Variants in INTS8 observed in about 807,000 individuals in gnomAD.
The protein encoded by INTS8 is integrator complex subunit 8.
Under a neutral mutation model 138.9 loss-of-function variants are expected in INTS8, and 47 were observed. The observed-to-expected ratio is 0.34, with a 90% CI of 0.27 to 0.43. The LOEUF is 0.43. INTS8 is among the 20% of genes least tolerant of loss of function. The pLI, the probability that INTS8 is intolerant of heterozygous loss-of-function variation, is 1.00. For synonymous variants in INTS8, 392 were observed against 400.9 expected (o/e 0.98, Z 0.27); for missense variants, 996 against 1,173.0 (o/e 0.85, Z 2.20).
At chr8:94,844,179 C>T (rs530713753) in intron 10 of INTS8, among the ~76,000 whole-genome samples, 7 of 152,162 alleles carry the variant, frequency 4.6e-5, no homozygotes, top group South Asian at 2.1e-4. Flanking sequence ...GCTAGGACTA[C>T]GGGCGTGCGC....
At chr8:94,862,042 C>G (rs1376666235) in intron 16 of INTS8, among the ~76,000 whole-genome samples, 1 of 151,526 alleles carries the variant, frequency 6.6e-6, no homozygotes, top group Non-Finnish European at 1.5e-5. Context: ...CCAGTTTCAA[C>G]CCATTCTTGT....
At chr8:94,840,799 C>T (rs1360884746) in intron 8 of INTS8, among the ~76,000 whole-genome samples, 2 of 152,058 alleles carry the variant, frequency 1.3e-5, no homozygotes, top group African/African-American at 2.4e-5. Flanking sequence ...CCTCGTGATC[C>T]ACCTACCTTG....
At chr8:94,838,761 A>G in intron 8 of INTS8, 143 bp downstream of exon 8, 4 of 602,438 alleles carry the variant, frequency 6.6e-6, no homozygotes, top group Non-Finnish European at 1.2e-5. Flanking sequence ...AATGGTAATA[A>G]TTATCCCATT....
chr8:94,825,915 T>C (rs1814482466), intron 2 of INTS8, among the ~76,000 whole-genome samples: 1 of 152,208 alleles, frequency 6.6e-6, no homozygotes, highest in Non-Finnish European at 1.5e-5. Flanking sequence ...ATACTGTTTT[T>C]ATTCCTGGTT....
rs981365920 is a variant in INTS8 at position 94,823,306 on chromosome 8, G to A, written c.-126G>A. On this transcript the variant is annotated 5_prime_UTR_variant, in exon 1 of 27. Transcript: ENST00000523731. ...CGCGCCGCCATTTTGGATTGTGTGA[G>A]TTTCCGGGACGTTCGGAGGGTGGCC... 2 of 1,524,016 alleles carry A rather than the reference G, an allele frequency of 1.3e-6. No homozygotes were observed. The highest frequency in any genetic ancestry group is 2.5e-5 in the East Asian group (1 of 40,706). The allele number at this position is 1,524,016 out of a possible 1,614,324, so 94.4% of individuals were successfully genotyped here.
At chr8:94,846,431 C>T (rs150198748) in intron 10 of INTS8, among the ~76,000 whole-genome samples, 5,109 of 152,134 alleles carry the variant, frequency 0.034, 90 homozygotes, top group Non-Finnish European at 0.04. Flanking sequence ...TGTGCCACCA[C>T]GCCTGGCTAA....
In INTS8 at chr8:94,845,722, A is replaced by G. The variant is rs376195776; in HGVS notation, c.1260+3234A>G. Among the ~76,000 whole-genome samples the G allele has an allele frequency of 9.2e-5, 14 of 152,190 alleles. No homozygotes were observed. The East Asian group carries it at 1.7e-3, about 19-fold the overall frequency. On this transcript the variant is annotated intron_variant, in intron 10 of 26. Transcript: ENST00000523731. ...ATGATCTGCCCGCCTCGGCCTCCCA[A>G]AGTGCTGGGATTACAGGTGTGAGCT...
Position 94,823,478 on chromosome 8 carries a change from C to T in INTS8, c.47C>T (p.Pro16Leu). ...ADREAATSSR[P>L]CTPPQTCWFE... ...CGGGAGGCGGCCACCTCCAGCCGGCCCTGCACCCCGCCGCAGACCTGCTGG... is the reference window on the plus strand; with the variant it reads ...CGGGAGGCGGCCACCTCCAGCCGGCTCTGCACCCCGCCGCAGACCTGCTGG... Residue 16 changes from proline (P) to leucine (L), a missense_variant, in exon 1 of 27, where the codon CCC (proline) becomes CTC (leucine). By Grantham distance (98) the Pro-to-Leu change is moderately conservative (BLOSUM62 -3). Coordinates refer to ENST00000523731, the MANE Select transcript of INTS8 (RefSeq NM_017864.4). 2 of 1,551,116 alleles carry T rather than the reference C, an allele frequency of 1.3e-6. No homozygotes were observed. The highest frequency in any genetic ancestry group is 1.7e-6 in the Non-Finnish European group (2 of 1,147,770).
chr8:94,828,227 G>A (rs1814583716), intron 4 of INTS8, among the ~76,000 whole-genome samples: 1 of 152,008 alleles, frequency 6.6e-6, no homozygotes, highest in African/African-American at 2.4e-5. Context: ...TTTTAGTAGA[G>A]ACTGGGTTTC....
rs554743015 is a variant in INTS8 at position 94,881,317 on chromosome 8, G to A, written c.*1083G>A. The A allele has an allele frequency of 1.8e-4, 69 of 373,818 alleles. No homozygotes were observed. The highest frequency in any genetic ancestry group is 3.1e-4 in the Non-Finnish European group (65 of 210,732). 23.2% of individuals were successfully genotyped at this position (373,818 alleles called of 1,614,324 possible). A position where few individuals can be genotyped will look rare whatever the true frequency, so the allele number is the denominator to read the frequency against. ...AGTGACAAAATTCCTAGTTTATCAAGATAAACACAGTAACACTGGATTAAA... is the reference window on the plus strand; with the variant it reads ...AGTGACAAAATTCCTAGTTTATCAAAATAAACACAGTAACACTGGATTAAA... On this transcript the variant is annotated 3_prime_UTR_variant, in exon 27 of 27. Transcript: ENST00000523731.
At chr8:94,840,301 C>G (rs1815085563) in intron 8 of INTS8, among the ~76,000 whole-genome samples, 1 of 152,082 alleles carries the variant, frequency 6.6e-6, no homozygotes, top group South Asian at 2.1e-4. Context: ...AGTGGTTGCT[C>G]CATATTTTTG....
At chr8:94,850,972 C>T (rs1815522104) in intron 12 of INTS8, among the ~76,000 whole-genome samples, 2 of 152,102 alleles carry the variant, frequency 1.3e-5, no homozygotes, top group Admixed American at 1.3e-4. Context: ...CTTCTTTGAC[C>T]TTCACTAGAT....
Position 94,842,414 on chromosome 8 carries a change from G to A in INTS8, c.1186G>A (p.Gly396Ser), listed in dbSNP as rs1219881061. 6.2e-7 allele frequency: 1 copy of A among 1,603,154 alleles called. No homozygotes were observed. The highest frequency in any genetic ancestry group is 1.1e-5 in the South Asian group (1 of 90,748). ...TAATACAGTCCGTGATATACTGGAAGGCAGAACAATTAGTGTTCAATTTAA... is the reference window on the plus strand; with the variant it reads ...TAATACAGTCCGTGATATACTGGAAAGCAGAACAATTAGTGTTCAATTTAA... ...ACNTVRDILE[G>S]RTISVQFNQL... Residue 396 changes from glycine to serine, a missense_variant, in exon 10 of 27, where the codon GGC (glycine) becomes AGC (serine). Physicochemically the swap from Gly to Ser is moderately conservative, Grantham distance 56 (BLOSUM62 0). Transcript: ENST00000523731.
At chr8:94,827,574 C>G in intron 3 of INTS8, 148 bp from the exon 4 acceptor site, 4 of 1,002,572 alleles carry the variant, frequency 4.0e-6, no homozygotes, top group Non-Finnish European at 6.0e-6. Flanking sequence ...GAAAAGCAAT[C>G]TGATAAAAAT....
At position 94,856,926 on chromosome 8, in the gene INTS8, G is replaced by T. The variant is rs768758972; in HGVS notation, c.1902G>T (p.Pro634=). The change falls in exon 15 of 27, where the codon CCG becomes CCT. Residue 634 remains proline, a synonymous_variant. Coordinates refer to ENST00000523731, the MANE Select transcript of INTS8 (RefSeq NM_017864.4). ...EAGTGQAGER[P]PSDLISRVRG... ...GGACAGGGCAGGCAGGAGAGAGACC[G>T]CCATCCGACCTTATAAGTAGAGTAC... 1 of 1,614,074 alleles carries T rather than the reference G, an allele frequency of 6.2e-7. No homozygotes were observed. Among genetic ancestry groups the T allele is most frequent in the African/African-American group, 1.3e-5 (1 of 75,004 alleles).
intron 7 of INTS8, among the ~76,000 whole-genome samples, chr8:94,837,644 C>A (rs1293031359): frequency 1.3e-5 from 2 of 151,812 alleles, no homozygotes; most frequent in African/African-American, 4.8e-5. Context: ...TCCTTTAAAT[C>A]TCTGCTGGTA....
At chr8:94,865,314 T>G (rs2466432) in intron 16 of INTS8, among the ~76,000 whole-genome samples, 192 bp from the exon 17 acceptor site, 3,476 of 152,324 alleles carry the variant, frequency 0.023, 57 homozygotes, top group Non-Finnish European at 0.036. Flanking sequence ...AGGATCTTTC[T>G]CAGATTCAGA....
chr8:94,829,428 C>T (rs1814630881), intron 5 of INTS8, among the ~76,000 whole-genome samples: 2 of 151,936 alleles, frequency 1.3e-5, no homozygotes, highest in Admixed American at 1.3e-4. Flanking sequence ...GTTTGCGCTC[C>T]TGTGTGAATC....
At chr8:94,840,303 A>G (rs991345965) in intron 8 of INTS8, among the ~76,000 whole-genome samples, 43 of 152,264 alleles carry the variant, frequency 2.8e-4, no homozygotes, top group African/African-American at 9.9e-4. Flanking sequence ...TGGTTGCTCC[A>G]TATTTTTGAA....
Sources: gnomAD v4.1 joint callset for allele counts (sites outside exome capture counted in the v4.1 genomes callset) on GRCh38, gnomAD v4.1.1 for gene constraint, MANE v1.5 for transcripts, NCBI Gene and HGNC (gene_info 2026-07-23, HGNC 2026-07-21) for gene names.